The following SAXO1 variants were observed in gnomAD, a reference collection of about 807,000 sequenced individuals.
SAXO1 encodes stabilizer of axonemal microtubules 1, also known as 4930500O09Rik.
Under a neutral mutation model 17.5 loss-of-function variants are expected in SAXO1, and 21 were observed. That is an observed-to-expected ratio of 1.20 (90% CI 0.85 to 1.72). SAXO1 has a LOEUF of 1.72. Among genes scored for constraint, SAXO1 ranks in the 40% most tolerant of loss-of-function variants. The probability of loss-of-function intolerance (pLI) is 0.00; values close to 1 mark genes in which losing one functional copy is unlikely to be tolerated. For synonymous variants in SAXO1, 274 were observed against 216.5 expected (o/e 1.27, Z -2.33); for missense variants, 843 against 596.0 (o/e 1.41, Z -4.32).
At chr9:18,966,740 C>A (rs1832733269) in intron 1 of SAXO1, among the ~76,000 whole-genome samples, 1 of 152,204 alleles carries the variant, frequency 6.6e-6, no homozygotes, top group African/African-American at 2.4e-5. Flanking sequence ...AAGCCTACTT[C>A]TGTCAATTCG....
At chr9:19,001,993 C>T (rs561589848) in intron 1 of SAXO1, among the ~76,000 whole-genome samples, 17 of 152,132 alleles carry the variant, frequency 1.1e-4, no homozygotes, top group African/African-American at 4.1e-4. Flanking sequence ...ACAGATAGCC[C>T]ACTAGCCAGA....
At chr9:18,941,102 AT>A (rs1008349320) in intron 3 of SAXO1, among the ~76,000 whole-genome samples, 3 of 152,246 alleles carry the variant, frequency 2.0e-5, no homozygotes, top group South Asian at 2.1e-4. Context: ...ATTTTGATAT[AT>A]TTTTTAAACA....
intron 1 of SAXO1, among the ~76,000 whole-genome samples, chr9:19,019,274 T>C (rs1362212729): frequency 6.6e-6 from 1 of 152,160 alleles, no homozygotes; most frequent in Non-Finnish European, 1.5e-5. Flanking sequence ...GAGACATTAA[T>C]GACAAATTAA....
chr9:18,964,636 T>C (rs945029370), intron 1 of SAXO1, among the ~76,000 whole-genome samples: 1 of 152,226 alleles, frequency 6.6e-6, no homozygotes, highest in Non-Finnish European at 1.5e-5. Context: ...TGTGTCTATT[T>C]GATTCTTCTC....
intron 1 of SAXO1, among the ~76,000 whole-genome samples, chr9:18,968,037 A>G (rs1832796617): frequency 6.6e-6 from 1 of 152,104 alleles, no homozygotes; most frequent in Non-Finnish European, 1.5e-5. Context: ...GGGTGAGGCG[A>G]CGCCCCACCC....
chr9:18,965,783 C>T (rs993848416), intron 1 of SAXO1, among the ~76,000 whole-genome samples: 2 of 152,138 alleles, frequency 1.3e-5, no homozygotes, highest in African/African-American at 4.8e-5. Context: ...TTGATCCTGT[C>T]ATTATGATGC....
At position 18,928,626 on chromosome 9, in the gene SAXO1, G is replaced by C; in HGVS notation, c.851C>G (p.Pro284Arg). ...GATGGGAGCTTTGGAGAACATCCGGGGCATTGGCCAAGCTTGGTACTTATC... is the reference window on the plus strand; with the variant it reads ...GATGGGAGCTTTGGAGAACATCCGGCGCATTGGCCAAGCTTGGTACTTATC... ...FRDKYQAWPM[P>R]RMFSKAPITY... is the part of the protein sequence containing the mutation. The change falls in exon 4 of 4, where the codon CCC becomes CGC. Residue 284 changes from proline to arginine, a missense_variant. Physicochemically the swap from Pro to Arg is moderately radical, Grantham distance 103 (BLOSUM62 -2). Coordinates refer to ENST00000380534, the MANE Select transcript of SAXO1 (RefSeq NM_153707.4). 1.2e-6 allele frequency: 2 copies of C among 1,614,146 alleles called. No homozygotes were observed. The highest frequency in any genetic ancestry group is 2.2e-5 in the South Asian group (2 of 91,082).
At chr9:18,983,660 G>C (rs1232435397) in intron 1 of SAXO1, among the ~76,000 whole-genome samples, 2 of 152,150 alleles carry the variant, frequency 1.3e-5, no homozygotes, top group Non-Finnish European at 2.9e-5. Context: ...TCTAATTCTA[G>C]TTCTCTTGCT....
intron 3 of SAXO1, among the ~76,000 whole-genome samples, chr9:18,930,015 G>A (rs778399034): frequency 6.6e-6 from 1 of 152,236 alleles, no homozygotes; most frequent in Non-Finnish European, 1.5e-5. Flanking sequence ...ACAAGGCTCA[G>A]AGGAGCTAAG....
chr9:19,045,884 G>A lies in SAXO1; in HGVS notation c.-158+3325C>T, dbSNP rs12002459. ...CCATTTTTGAACTTCTTTTACTGCCGGGCGCGGTGGCTCACCAACATGGAG... is the reference window on the plus strand; with the variant it reads ...CCATTTTTGAACTTCTTTTACTGCCAGGCGCGGTGGCTCACCAACATGGAG... On this transcript the variant is annotated intron_variant, in intron 1 of 3. Coordinates refer to the SAXO1 transcript ENST00000542071. 4.8e-3 allele frequency among the ~76,000 whole-genome samples: 724 copies of A among 151,506 alleles called. 5 individuals are homozygous for A. Among genetic ancestry groups the A allele is most frequent in the African/African-American group, 0.016 (673 of 41,324 alleles).
intron 1 of SAXO1, among the ~76,000 whole-genome samples, chr9:19,007,829 G>T (rs1346392443): frequency 6.6e-6 from 1 of 152,156 alleles, no homozygotes; most frequent in Non-Finnish European, 1.5e-5. Context: ...TCCATTTCAA[G>T]GTAATAAATT....
intron 1 of SAXO1, among the ~76,000 whole-genome samples, chr9:19,001,663 C>A (rs1381913382): frequency 1.0e-3 from 130 of 130,604 alleles, no homozygotes; most frequent in South Asian, 1.2e-3. Flanking sequence ...AAGACTCCGT[C>A]AAAAAAAAAA....
At chr9:19,045,511 A>G (rs1169052912) in intron 1 of SAXO1, among the ~76,000 whole-genome samples, 1 of 152,138 alleles carries the variant, frequency 6.6e-6, no homozygotes, top group African/African-American at 2.4e-5. Context: ...CTGAAGTACC[A>G]TATTGTAAAC....
chr9:18,975,980 A>C (rs1833134857), intron 1 of SAXO1, among the ~76,000 whole-genome samples: 1 of 152,236 alleles, frequency 6.6e-6, no homozygotes, highest in Non-Finnish European at 1.5e-5. Flanking sequence ...CCTCGGCACT[A>C]CTAGACTACT....
chr9:19,009,982 A>G (rs1834657142), intron 1 of SAXO1, among the ~76,000 whole-genome samples: 1 of 152,022 alleles, frequency 6.6e-6, no homozygotes, highest in African/African-American at 2.4e-5. Context: ...GCATACCACC[A>G]CATCTGGCTA....
In SAXO1 at chr9:19,003,232, C is replaced by T. The variant is rs571069421; in HGVS notation, c.38+29639G>A. ...AGGAGAACTACAAACCACTGCTCAA[C>T]GAAATAAAAGAGGACACAAACAAAC... On this transcript the variant is annotated intron_variant, in intron 1 of 3. Transcript: ENST00000380534. 5.9e-5 allele frequency among the ~76,000 whole-genome samples: 9 copies of T among 152,048 alleles called. No homozygotes were observed. In the East Asian group the frequency reaches 1.4e-3, roughly 23 times the overall value.
intron 1 of SAXO1, among the ~76,000 whole-genome samples, chr9:18,980,135 T>C (rs983611667): frequency 2.0e-5 from 3 of 152,194 alleles, no homozygotes; most frequent in South Asian, 4.1e-4. Flanking sequence ...ATTAACAAAT[T>C]AGAATAATTA....
At chr9:18,951,408 G>T (rs538453260) in intron 1 of SAXO1, among the ~76,000 whole-genome samples, 1 of 152,190 alleles carries the variant, frequency 6.6e-6, no homozygotes, top group Non-Finnish European at 1.5e-5. Flanking sequence ...GGGTCAACTC[G>T]GAATATCATC....
At chr9:18,967,770 C>T (rs963872193) in intron 1 of SAXO1, among the ~76,000 whole-genome samples, 1 of 149,766 alleles carries the variant, frequency 6.7e-6, no homozygotes, top group Non-Finnish European at 1.5e-5. Context: ...GTCTCACCAG[C>T]GTTCCGGGCA....
Sources: gnomAD v4.1 joint callset for allele counts (sites outside exome capture counted in the v4.1 genomes callset) on GRCh38, gnomAD v4.1.1 for gene constraint, MANE v1.5 for transcripts, NCBI Gene and HGNC (gene_info 2026-07-23, HGNC 2026-07-21) for gene names.